The following B4GALNT4 variants were observed in gnomAD, a reference collection of about 807,000 sequenced individuals.
The protein encoded by B4GALNT4 is beta-1,4-N-acetyl-galactosaminyltransferase 4.
Under a neutral mutation model 110.0 loss-of-function variants are expected in B4GALNT4, and 77 were observed. The ratio of observed to expected loss-of-function variants is 0.70; its 90% confidence interval spans 0.58 to 0.85. The LOEUF is 0.85. B4GALNT4 is among the 40% of genes least tolerant of loss of function. The pLI is 0.00. For synonymous variants in B4GALNT4, 785 were observed against 655.5 expected (o/e 1.20, Z -3.02); for missense variants, 1,575 against 1,506.0 (o/e 1.05, Z -0.76).
chr11:373,403 A>ACTGGGGGGGGGGGGGG, intron 6 of B4GALNT4, 46 bp from the exon 7 acceptor site: 2 of 1,259,480 alleles, frequency 1.6e-6, no homozygotes, highest in Non-Finnish European at 2.2e-6. Flanking sequence ...CCAGGGAGAG[A>ACTGGGGGGGGGGGGGG]GTGAACCCCC....
chr11:377,416 A>G, intron 14 of B4GALNT4, 89 bp downstream of exon 14: 1 of 1,355,292 alleles, frequency 7.4e-7, no homozygotes, highest in South Asian at 1.6e-5. Flanking sequence ...GACTCCTCAG[A>G]CCTTCCCCAG....
At chr11:379,276 TG>T in intron 14 of B4GALNT4, 141 bp from the exon 15 acceptor site, 2 of 945,040 alleles carry the variant, frequency 2.1e-6, no homozygotes, top group Non-Finnish European at 3.0e-6. Flanking sequence ...TGGGCCAACC[TG>T]GAGGGGCAGG....
At chr11:372,088 G>C (rs1335065366) in intron 1 of B4GALNT4, 21 bp from the exon 2 acceptor site, 1 of 1,542,590 alleles carries the variant, frequency 6.5e-7, no homozygotes, top group South Asian at 1.2e-5. Context: ...GCCCGAGACA[G>C]GCCTCATGTG....
Position 376,622 on chromosome 11 carries a change from C to T in B4GALNT4, c.1499C>T (p.Ala500Val). 3 of 1,403,486 alleles carry T rather than the reference C, an allele frequency of 2.1e-6. No individual in the cohort carries two copies. The highest frequency in any genetic ancestry group is 2.8e-6 in the Non-Finnish European group (3 of 1,080,270). 86.9% of individuals were successfully genotyped at this position (1,403,486 alleles called of 1,614,324 possible). The change falls in exon 14 of 20, where the codon GCC becomes GTC. Residue 500 changes from alanine (A) to valine (V), a missense_variant. Physicochemically the swap from Ala to Val is moderately conservative, Grantham distance 64. Transcript: ENST00000329962. ...CGGGCCCTGAGCTGGGCCGCCAGGG[C>T]CGCCCGCCCTTTGCCGCTCTTCTTG... is the stretch of plus-strand genomic sequence containing the variant. ...HSRALSWAARAARPLPLFLGR... is the reference protein window; with the variant it reads ...HSRALSWAARVARPLPLFLGR...
chr11:379,351 C>T lies in B4GALNT4; in HGVS notation c.2205-67C>T, dbSNP rs1176106237. ...GTCGGCTGAGTTTCTGTGGCCAGGG[C>T]GGACCAGGGTTGCGGGCGGGGTGCA... On this transcript the variant is annotated intron_variant, in intron 14 of 19. Coordinates refer to ENST00000329962, the MANE Select transcript of B4GALNT4 (RefSeq NM_178537.5). 3.6e-6 allele frequency: 5 copies of T among 1,406,876 alleles called. No homozygotes were observed. In the South Asian group the frequency reaches 4.5e-5, roughly 13 times the overall value. The allele number at this position is 1,406,876 out of a possible 1,614,324, so 87.1% of individuals were successfully genotyped here.
intron 6 of B4GALNT4, 40 bp from the exon 7 acceptor site, chr11:373,409 C>G (rs750543613): frequency 1.3e-4 from 9 of 70,888 alleles, no homozygotes; most frequent in Non-Finnish European, 2.3e-4. Context: ...AGAGAGTGAA[C>G]CCCCCCCCCC....
In B4GALNT4 at chr11:375,745, GC is replaced by G; in HGVS notation, c.959del (p.Pro320GlnfsTer87). ...AGGAGACCAGCGCAGACATGCTGCG[GC>G]CAGATCCCAGGGATACCTTTTTCCT... ...QEETSADMLR[P>X]DPRDTFFLTP... On this transcript the variant is annotated frameshift_variant, in exon 10 of 20. Coordinates refer to ENST00000329962, the MANE Select transcript of B4GALNT4 (RefSeq NM_178537.5). LOFTEE classifies it high-confidence loss of function. 1 of 1,596,462 alleles carries G rather than the reference GC, an allele frequency of 6.3e-7. No homozygotes were observed.
Position 372,644 on chromosome 11 carries a change from G to A in B4GALNT4, c.256-18G>A, listed in dbSNP as rs1433412072. On this transcript the variant is annotated intron_variant, in intron 2 of 19. Coordinates refer to ENST00000329962, the MANE Select transcript of B4GALNT4 (RefSeq NM_178537.5). ...CTGCCCTTCCAACCCTGACCCTGTT[G>A]CCTTTTCTCTCCTGCAGCCCGAAGG... is the stretch of plus-strand genomic sequence containing the variant. 12 of 1,606,654 alleles carry A rather than the reference G, an allele frequency of 7.5e-6. No individual in the cohort carries two copies. Among genetic ancestry groups the A allele is most frequent in the Non-Finnish European group, 1.0e-5 (12 of 1,176,238 alleles).
chr11:380,710 C>T (rs1189881428), intron 18 of B4GALNT4, 115 bp from the exon 19 acceptor site: 3 of 1,538,088 alleles, frequency 2.0e-6, no homozygotes, highest in South Asian at 2.3e-5. Context: ...CCGGAAGCCC[C>T]CGTGGTGATG....
intron 1 of B4GALNT4, 49 bp downstream of exon 1, chr11:370,003 G>GTCGCGGGGGGCGCGGGC (rs1846583300): frequency 1.4e-5 from 2 of 140,748 alleles, no homozygotes; most frequent in African/African-American, 3.0e-5. Flanking sequence ...GCGGCGCGGG[G>GTCGCGGGGGGCGCGGGC]GGCGCGGGGG....
chr11:380,241 C>A, intron 17 of B4GALNT4, 39 bp downstream of exon 17: 1 of 1,606,900 alleles, frequency 6.2e-7, no homozygotes, highest in South Asian at 1.1e-5. Flanking sequence ...CAAAACGGGG[C>A]GTGCCCGGGG....
Position 369,886 on chromosome 11 carries a change from T to C in B4GALNT4, c.83T>C (p.Leu28Pro), listed in dbSNP as rs1846577821. 6.0e-6 allele frequency: 6 copies of C among 992,432 alleles called. No homozygotes were observed. In the African/African-American group the frequency reaches 8.9e-5, roughly 15 times the overall value. 61.5% of individuals were successfully genotyped at this position (992,432 alleles called of 1,614,324 possible). A position where few individuals can be genotyped will look rare whatever the true frequency, so the allele number is the denominator to read the frequency against. ...CTGCTGCTGAGCTGCGCCGCGTGGC[T>C]CACCTACGTGCACCTGGGCCTGGTG... The part of the protein sequence containing the change: ...LLLLLSCAAW[L>P]TYVHLGLVRQ... Residue 28 changes from leucine (L) to proline (P), a missense_variant, in exon 1 of 20, where the codon CTC becomes CCC. Physicochemically the swap from Leu to Pro is moderately conservative, Grantham distance 98 (BLOSUM62 -3). Transcript: ENST00000329962.
intron 7 of B4GALNT4, 91 bp from the exon 8 acceptor site, chr11:373,659 C>T: frequency 6.5e-7 from 1 of 1,535,708 alleles, no homozygotes; most frequent in Non-Finnish European, 9.0e-7. Context: ...AGGGCCAGCC[C>T]TGAGGGGTGT....
intron 8 of B4GALNT4, 134 bp from the exon 9 acceptor site, chr11:375,327 C>T (rs1369030263): frequency 1.1e-6 from 1 of 937,740 alleles, no homozygotes; most frequent in Admixed American, 1.7e-5. Flanking sequence ...CCCCGGACCC[C>T]TCTGCCATCT....
chr11:376,691 CA>C lies in B4GALNT4; in HGVS notation c.1571del (p.Lys524ArgfsTer4). The C allele has an allele frequency of 7.0e-7, 1 of 1,426,586 alleles. No homozygotes were observed. The highest frequency in any genetic ancestry group is 9.1e-7 in the Non-Finnish European group (1 of 1,095,242). The allele number at this position is 1,426,586 out of a possible 1,614,324, so 88.4% of individuals were successfully genotyped here. ...CGCCCTGCAGTGGAGCAGCCGCCCC[CA>C]AAGGTGTACGTGACCAGGGTGCGGC... ...PPRPAVEQPP[P>X]KVYVTRVRPG... On this transcript the variant is annotated frameshift_variant, in exon 14 of 20. Coordinates refer to ENST00000329962, the MANE Select transcript of B4GALNT4 (RefSeq NM_178537.5). LOFTEE classifies it high-confidence loss of function.
chr11:380,878 G>A lies in B4GALNT4; in HGVS notation c.2923G>A (p.Asp975Asn). The change falls in exon 19 of 20, where the codon GAC becomes AAC. Residue 975 changes from aspartate to asparagine, a missense_variant. Coordinates refer to ENST00000329962, the MANE Select transcript of B4GALNT4 (RefSeq NM_178537.5). ...TTTTGGGATCTACAAGTCGGACTTTGACCGGGTTGGAGGAATGAACACGGA... is the reference window on the plus strand; with the variant it reads ...TTTTGGGATCTACAAGTCGGACTTTAACCGGGTTGGAGGAATGAACACGGA... ...GLFGIYKSDF[D>N]RVGGMNTEEF... is the part of the protein sequence containing the mutation. 1 of 1,613,816 alleles carries A rather than the reference G, an allele frequency of 6.2e-7. No homozygotes were observed. The highest frequency in any genetic ancestry group is 2.2e-5 in the East Asian group (1 of 44,868).
Position 372,693 on chromosome 11 carries a change from C to CT in B4GALNT4, c.288dup (p.Gly97TrpfsTer31). 6.2e-7 allele frequency: 1 copy of CT among 1,611,250 alleles called. No homozygotes were observed. The highest frequency in any genetic ancestry group is 8.5e-7 in the Non-Finnish European group (1 of 1,179,552). ...GGTCGGGACCTAGACATGCTGTTTC[C>CT]TGGGGGGGCTGGGAGGCTGCCACTG... On this transcript the variant is annotated frameshift_variant, in exon 3 of 20. Transcript: ENST00000329962. LOFTEE classifies it high-confidence loss of function.
chr11:377,675 C>T (rs996465967), intron 14 of B4GALNT4, among the ~76,000 whole-genome samples: 5 of 152,218 alleles, frequency 3.3e-5, no homozygotes, highest in African/African-American at 9.6e-5. Flanking sequence ...CCAGTTGCTG[C>T]GCAGACAGCC....
intron 19 of B4GALNT4, chr11:381,226 C>A: frequency 2.5e-6 from 2 of 801,252 alleles, no homozygotes; most frequent in Non-Finnish European, 3.0e-6. Context: ...GAGTCCCCAT[C>A]ATCCCACTGG....
Sources: allele counts gnomAD v4.1 joint callset (sites outside exome capture counted in the v4.1 genomes callset), GRCh38; gene constraint gnomAD v4.1.1; transcripts MANE v1.5; gene names NCBI Gene and HGNC (gene_info 2026-07-23, HGNC 2026-07-21).